Variants in EPHB2 observed in about 807,000 individuals in gnomAD.
The protein encoded by EPHB2 is ephrin type-B receptor 2.
EPHB2 carries 18 observed loss-of-function variants against 96.4 expected under a neutral mutation model. That is an observed-to-expected ratio of 0.19 (90% CI 0.13 to 0.28). The LOEUF (loss-of-function observed/expected upper bound fraction) is 0.28, where lower values mean the gene tolerates loss of function less well. EPHB2 is among the 10% of genes least tolerant of loss of function. The pLI, the probability that EPHB2 is intolerant of heterozygous loss-of-function variation, is 1.00. For missense variants in EPHB2, 989 were observed against 1,355.4 expected (o/e 0.73, Z 4.25); for synonymous variants, 506 against 534.1 (o/e 0.95, Z 0.72).
intron 3 of EPHB2, among the ~76,000 whole-genome samples, chr1:22,809,110 G>A (rs938092756): frequency 1.3e-5 from 2 of 152,238 alleles, no homozygotes; most frequent in Non-Finnish European, 2.9e-5. Context: ...TCCCGGCGGT[G>A]CCTCTGCAGG....
intron 5 of EPHB2, among the ~76,000 whole-genome samples, chr1:22,880,147 A>T (rs1358971757): frequency 2.6e-5 from 4 of 152,006 alleles, no homozygotes; most frequent in African/African-American, 9.7e-5. Context: ...GCCCAGGAGG[A>T]AGCCAGGTCC....
intron 3 of EPHB2, among the ~76,000 whole-genome samples, chr1:22,799,645 G>A (rs1644814444): frequency 1.3e-5 from 2 of 152,184 alleles, no homozygotes; most frequent in South Asian, 4.1e-4. Context: ...GCAGATGAGG[G>A]AACTGGGGTT....
At chr1:22,871,465 C>A (rs1638664001) in intron 5 of EPHB2, among the ~76,000 whole-genome samples, 1 of 152,186 alleles carries the variant, frequency 6.6e-6, no homozygotes. Context: ...ATGGCCCCTT[C>A]CAAGCTGTGT....
chr1:22,774,290 T>C (rs61768163), intron 1 of EPHB2, among the ~76,000 whole-genome samples: 33,647 of 152,030 alleles, frequency 0.22, 4,297 homozygotes, highest in Non-Finnish European at 0.28. Flanking sequence ...TCTGGGAGCT[T>C]TTTGAGGGAA....
At chr1:22,834,247 G>A (rs547203034) in intron 3 of EPHB2, among the ~76,000 whole-genome samples, 1 of 152,248 alleles carries the variant, frequency 6.6e-6, no homozygotes, top group African/African-American at 2.4e-5. Context: ...CACACAGAAT[G>A]TCTCATACAG....
intron 3 of EPHB2, among the ~76,000 whole-genome samples, chr1:22,812,307 C>T (rs766467657): frequency 3.9e-5 from 6 of 152,222 alleles, no homozygotes; most frequent in African/African-American, 7.2e-5. Context: ...TGGAGGCTGG[C>T]GCACCTTGGG....
At chr1:22,725,976 T>C (rs977637548) in intron 1 of EPHB2, among the ~76,000 whole-genome samples, 1 of 152,184 alleles carries the variant, frequency 6.6e-6, no homozygotes, top group Non-Finnish European at 1.5e-5. Context: ...GCACACTCCG[T>C]CTCCTCCAGA....
At chr1:22,819,147 G>C (rs1425361377) in intron 3 of EPHB2, among the ~76,000 whole-genome samples, 1 of 150,498 alleles carries the variant, frequency 6.6e-6, no homozygotes, top group Non-Finnish European at 1.5e-5. Context: ...GCCTGAATTA[G>C]ATGACTTCTC....
chr1:22,873,543 G>A (rs1273638607), intron 5 of EPHB2, among the ~76,000 whole-genome samples: 1 of 152,220 alleles, frequency 6.6e-6, no homozygotes, highest in Non-Finnish European at 1.5e-5. Flanking sequence ...TAAGTTACAG[G>A]GCAAAGGGTG....
intron 1 of EPHB2, among the ~76,000 whole-genome samples, chr1:22,725,894 G>A (rs1418208963): frequency 6.6e-6 from 1 of 152,194 alleles, no homozygotes; most frequent in Non-Finnish European, 1.5e-5. Context: ...AACAGCAGGG[G>A]AAGAGATTTG....
intron 1 of EPHB2, among the ~76,000 whole-genome samples, chr1:22,741,110 C>T (rs538578461): frequency 6.6e-6 from 1 of 152,212 alleles, no homozygotes; most frequent in East Asian, 1.9e-4. Context: ...GGGGCACTGG[C>T]TTTGGAGACC....
At position 22,920,062 on chromosome 1, in the gene EPHB2, G is replaced by A. The variant is rs1010267689; in HGVS notation, c.*6492G>A. On this transcript the variant is annotated 3_prime_UTR_variant, in exon 16 of 16. Transcript: ENST00000374630. ...ATACTAAGAAAAGCTCCATCCCTTG[G>A]ATCTGAGTTACAGATGCACCTTGGC... is the stretch of plus-strand genomic sequence containing the variant. The A allele has an allele frequency of 2.0e-5, 3 of 152,182 alleles. No individual in the cohort carries two copies. Among genetic ancestry groups the A allele is most frequent in the Non-Finnish European group, 4.4e-5 (3 of 68,032 alleles). The allele number at this position is 152,182 out of a possible 1,614,324, so 9.4% of individuals were successfully genotyped here.
chr1:22,911,043 G>A (rs903256153), intron 14 of EPHB2, among the ~76,000 whole-genome samples: 2 of 152,024 alleles, frequency 1.3e-5, no homozygotes, highest in African/African-American at 4.8e-5. Flanking sequence ...AGGAGGCTGA[G>A]GCAGGAGAAT....
chr1:22,847,697 T>C (rs952717341), intron 3 of EPHB2, among the ~76,000 whole-genome samples: 2 of 152,246 alleles, frequency 1.3e-5, no homozygotes, highest in African/African-American at 2.4e-5. Flanking sequence ...TTCCCTGCTC[T>C]TGGAAAATAA....
intron 9 of EPHB2, 53 bp downstream of exon 9, chr1:22,896,531 C>T: frequency 1.2e-6 from 2 of 1,604,746 alleles, no homozygotes; most frequent in Non-Finnish European, 1.7e-6. Context: ...CTGTCGGTTC[C>T]CCAGTGACCT....
chr1:22,874,772 C>T (rs1638783817), intron 5 of EPHB2, among the ~76,000 whole-genome samples: 1 of 152,134 alleles, frequency 6.6e-6, no homozygotes, highest in African/African-American at 2.4e-5. Flanking sequence ...AGGGGCTCTT[C>T]TCAAGTTCAA....
chr1:22,742,236 A>T (rs923917398), intron 1 of EPHB2, among the ~76,000 whole-genome samples: 1 of 152,136 alleles, frequency 6.6e-6, no homozygotes, highest in African/African-American at 2.4e-5. Context: ...TGACATGAGG[A>T]CCGCCCTGGC....
chr1:22,737,650 T>C (rs1394151772), intron 1 of EPHB2, among the ~76,000 whole-genome samples: 1 of 152,144 alleles, frequency 6.6e-6, no homozygotes, highest in Non-Finnish European at 1.5e-5. Flanking sequence ...AACACCAAGG[T>C]ATGGCTAATT....
intron 14 of EPHB2, 131 bp from the exon 15 acceptor site, chr1:22,912,313 C>T (rs1040071681): frequency 5.4e-6 from 7 of 1,304,908 alleles, no homozygotes; most frequent in Non-Finnish European, 7.6e-6. Context: ...CACGTACATA[C>T]CCCTTCACCT....
Sources: allele counts gnomAD v4.1 joint callset (sites outside exome capture counted in the v4.1 genomes callset), GRCh38; gene constraint gnomAD v4.1.1; transcripts MANE v1.5; gene names NCBI Gene and HGNC (gene_info 2026-07-23, HGNC 2026-07-21).